The following STK11 variants were observed in gnomAD, a reference collection of about 807,000 sequenced individuals.
STK11 encodes the protein serine/threonine kinase 11.
A neutral mutation model predicts 47.3 loss-of-function variants in STK11; 8 were observed. The observed-to-expected ratio is 0.17, with a 90% confidence interval of 0.10 to 0.31. The LOEUF is 0.31. Ranked by LOEUF, STK11 falls within the 10% of genes least tolerant of loss-of-function variation. The pLI is 1.00. For synonymous variants in STK11, 330 were observed against 255.8 expected (o/e 1.29, Z -2.77); for missense variants, 475 against 605.0 (o/e 0.79, Z 2.25).
chr19:1,221,125 C>T (rs971621715), intron 5 of STK11, 88 bp from the exon 6 acceptor site: 75 of 1,560,670 alleles, frequency 4.8e-5, no homozygotes, highest in Non-Finnish European at 6.2e-5. Context: ...AGCCACGGGA[C>T]GCCTCTGTCC....
At position 1,227,471 on chromosome 19, in the gene STK11, T is replaced by C. The variant is rs547260002; in HGVS notation, c.*17-122T>C. The C allele has an allele frequency of 5.1e-5, 52 of 1,027,500 alleles. No individual in the cohort carries two copies. In the East Asian group the frequency reaches 2.5e-3, roughly 49 times the overall value. The allele number at this position is 1,027,500 out of a possible 1,614,324, so 63.6% of individuals were successfully genotyped here. On this transcript the variant is annotated intron_variant, in intron 9 of 9. Transcript: ENST00000326873. ...GGTGGCCTTCCCTGGCCTCCCCTGC[T>C]GCCCCCCAGGAGTCCGGTAGCCCCA... is the stretch of plus-strand genomic sequence containing the variant.
intron 8 of STK11, chr19:1,225,986 G>A: frequency 1.0e-6 from 1 of 1,001,722 alleles, no homozygotes; most frequent in South Asian, 4.2e-5. Flanking sequence ...TCCCCGCGTG[G>A]TTCTGTGCTG....
chr19:1,224,135 T>G, intron 8 of STK11: 1 of 988,620 alleles, frequency 1.0e-6, no homozygotes, highest in Non-Finnish European at 1.2e-6. Context: ...GCTCAGTAGC[T>G]GGTCCCCAGG....
chr19:1,226,162 T>G, intron 8 of STK11: 1 of 1,264,808 alleles, frequency 7.9e-7, no homozygotes, highest in African/African-American at 1.6e-5. Context: ...CTCGTGAGGT[T>G]CCTGCAGTCA....
intron 1 of STK11, among the ~76,000 whole-genome samples, chr19:1,212,736 G>A (rs2080719769): frequency 6.6e-6 from 1 of 151,988 alleles, no homozygotes; most frequent in Non-Finnish European, 1.5e-5. Context: ...AGTAGAGACG[G>A]GGTTTCACCG....
rs786203250 is a variant in STK11 at position 1,207,029 on chromosome 19, G to T, written c.116G>T (p.Arg39Leu). ...TCCACCGAGGTCATCTACCAGCCGC[G>T]CCGCAAGCGGGCCAAGCTCATCGGC... ...IDSTEVIYQP[R>L]RKRAKLIGKY... The change falls in exon 1 of 10, where the codon CGC becomes CTC. Residue 39 changes from arginine (R) to leucine (L), a missense_variant. Arg to Leu is a moderately radical substitution (Grantham distance 102, BLOSUM62 -2). Transcript: ENST00000326873. 2.7e-5 allele frequency: 43 copies of T among 1,613,686 alleles called. No homozygotes were observed. The highest frequency in any genetic ancestry group is 3.5e-5 in the Non-Finnish European group (41 of 1,179,880).
chr19:1,221,046 C>G (rs375415926), intron 5 of STK11, among the ~76,000 whole-genome samples, 167 bp from the exon 6 acceptor site: 5 of 152,162 alleles, frequency 3.3e-5, no homozygotes, highest in African/African-American at 1.2e-4. Flanking sequence ...CCTCCTACCC[C>G]GTAGCCTCCA....
intron 1 of STK11, among the ~76,000 whole-genome samples, chr19:1,207,465 C>G (rs1432145090): frequency 6.6e-6 from 1 of 152,198 alleles, no homozygotes; most frequent in East Asian, 1.9e-4. Context: ...GCCCTGGTAG[C>G]GAAACCCTCC....
At chr19:1,221,536 G>GTTCA in intron 6 of STK11, 196 bp downstream of exon 6, 1 of 875,036 alleles carries the variant, frequency 1.1e-6, no homozygotes, top group East Asian at 2.7e-5. Context: ...TCTGGGCCCT[G>GTTCA]TTCACCCTCC....
intron 6 of STK11, 36 bp from the exon 7 acceptor site, chr19:1,221,913 G>T: frequency 6.5e-7 from 1 of 1,549,584 alleles, no homozygotes; most frequent in South Asian, 1.2e-5. Flanking sequence ...TCAGGCCTGT[G>T]CCCAGCTGAC....
chr19:1,225,377 A>G (rs983038262), intron 8 of STK11: 25 of 864,706 alleles, frequency 2.9e-5, no homozygotes, highest in Non-Finnish European at 3.3e-5. Context: ...GATTCAAGCA[A>G]TTCTGCCTCA....
In STK11 at chr19:1,228,190, C is replaced by T. The variant is rs561432739; in HGVS notation, c.*614C>T. The T allele has an allele frequency of 2.2e-5, 23 of 1,034,116 alleles. No individual in the cohort carries two copies. The East Asian group carries it at 1.1e-3, about 49-fold the overall frequency. 64.1% of individuals were successfully genotyped at this position (1,034,116 alleles called of 1,614,324 possible). ...GGCCGCCTTTGCGCTCTCGGGTCAC[C>T]CTGCTTTGGCGGCCCGGCCGGAGGG... On this transcript the variant is annotated 3_prime_UTR_variant, in exon 10 of 10. Transcript: ENST00000326873.
At chr19:1,224,448 C>T (rs1220857086) in intron 8 of STK11, 3 of 985,294 alleles carry the variant, frequency 3.0e-6, no homozygotes, top group Non-Finnish European at 3.6e-6. Context: ...TGACCCCAGG[C>T]CCAGGGTCTT....
At chr19:1,215,408 G>A (rs1302141291) in intron 1 of STK11, among the ~76,000 whole-genome samples, 1 of 152,230 alleles carries the variant, frequency 6.6e-6, no homozygotes, top group Non-Finnish European at 1.5e-5. Context: ...CAGGGCACCG[G>A]GCACAGCCAG....
At chr19:1,216,921 G>A (rs1026298919) in intron 1 of STK11, among the ~76,000 whole-genome samples, 11 of 151,980 alleles carry the variant, frequency 7.2e-5, no homozygotes, top group Admixed American at 7.2e-4. Context: ...GCTGTGGCTC[G>A]AGTCAGAGCC....
At chr19:1,207,805 C>T (rs760425842) in intron 1 of STK11, among the ~76,000 whole-genome samples, 3 of 152,232 alleles carry the variant, frequency 2.0e-5, no homozygotes, top group Non-Finnish European at 2.9e-5. Context: ...GGAAGCCCTG[C>T]CCGAGGGGGA....
At position 1,226,577 on chromosome 19, in the gene STK11, C is replaced by A. The variant is rs2145436338; in HGVS notation, c.1232C>A (p.Pro411His). 6.3e-7 allele frequency: 1 copy of A among 1,580,462 alleles called. No individual in the cohort carries two copies. The highest frequency in any genetic ancestry group is 8.6e-7 in the Non-Finnish European group (1 of 1,164,806). The stretch of plus-strand genomic sequence containing the variant: ...AAATCCAGGGCGGAGGGCCGGGCCC[C>A]CAACCCTGCCCGCAAGGCCTGCTCC... ...STKSRAEGRA[P>H]NPARKACSAS... is the part of the protein sequence containing the mutation. Residue 411 changes from proline (P) to histidine (H), a missense_variant, in exon 9 of 10, where the codon CCC becomes CAC. Coordinates refer to ENST00000326873, the MANE Select transcript of STK11 (RefSeq NM_000455.5).
chr19:1,223,347 C>T (rs77195817), intron 8 of STK11, among the ~76,000 whole-genome samples, 175 bp downstream of exon 8: 41 of 152,370 alleles, frequency 2.7e-4, no homozygotes, highest in African/African-American at 9.1e-4. Context: ...GCCGCTGGGA[C>T]ATGGCTGAAA....
In STK11 at chr19:1,222,997, G is replaced by A. The variant is rs1409790643; in HGVS notation, c.933G>A (p.Lys311=). 1 of 1,559,784 alleles carries A rather than the reference G, an allele frequency of 6.4e-7. No homozygotes were observed. The highest frequency in any genetic ancestry group is 8.7e-7 in the Non-Finnish European group (1 of 1,150,620). ...TGGGCGTTTGCAGCTGGTTCCGGAA[G>A]AAACATCCTCCGGCTGAAGCACCAG... is the stretch of plus-strand genomic sequence containing the variant. ...RQIRQHSWFR[K]KHPPAEAPVP... The change falls in exon 8 of 10, where the codon AAG becomes AAA. Residue 311 remains lysine, a synonymous_variant. Coordinates refer to ENST00000326873, the MANE Select transcript of STK11 (RefSeq NM_000455.5).
Sources: allele counts gnomAD v4.1 joint callset (sites outside exome capture counted in the v4.1 genomes callset), GRCh38; gene constraint gnomAD v4.1.1; transcripts MANE v1.5; gene names NCBI Gene and HGNC (gene_info 2026-07-23, HGNC 2026-07-21).